TANGO2: variants seen among roughly 807,000 people sequenced by gnomAD.
TANGO2 encodes transport and Golgi organization protein 2 homolog.
In TANGO2, 26 loss-of-function variants were observed where a neutral mutation model predicts 39.1. That is an observed-to-expected ratio of 0.67 (90% CI 0.49 to 0.92). The LOEUF is 0.92. TANGO2 is among the 40% of genes least tolerant of loss of function. The pLI, the probability that TANGO2 is intolerant of heterozygous loss-of-function variation, is 0.00. For synonymous variants in TANGO2, 131 were observed against 144.5 expected, an observed-to-expected ratio of 0.91 and a Z score of 0.67; for missense variants, 326 against 360.1, an observed-to-expected ratio of 0.91 and a Z score of 0.77.
intron 4 of TANGO2, 90 bp downstream of exon 4, chr22:20,052,674 G>T: frequency 6.8e-7 from 1 of 1,475,884 alleles, no homozygotes; most frequent in Non-Finnish European, 9.1e-7. Flanking sequence ...CTACAGGACT[G>T]GCCAATGTAT....
chr22:20,026,473 C>T (rs1459031361), intron 1 of TANGO2, among the ~76,000 whole-genome samples: 13 of 151,918 alleles, frequency 8.6e-5, no homozygotes, highest in Non-Finnish European at 1.5e-4. Flanking sequence ...CATTTTGGGA[C>T]AGGGAGGGCC....
At chr22:20,053,210 A>T in intron 4 of TANGO2, 1 of 481,362 alleles carries the variant, frequency 2.1e-6, no homozygotes, top group Non-Finnish European at 3.8e-6. Context: ...ATAGGAAGAC[A>T]TAGTGGGGAA....
At position 20,057,482 on chromosome 22, in the gene TANGO2, C is replaced by T. The variant is rs575563576; in HGVS notation, c.451+1469C>T. On this transcript the variant is annotated intron_variant, in intron 6 of 8. Transcript: ENST00000327374. The surrounding 1 kb of genome is among the most constrained non-coding windows in gnomAD (Gnocchi z 4.1). ...CCCTCTCCTCCACCTGGGGCTTATC[C>T]TTCCGGCCACCCTCTGTGACCCTGG... Among the ~76,000 whole-genome samples, 19 of 152,326 alleles carry T rather than the reference C, an allele frequency of 1.2e-4. No homozygotes were observed. The South Asian group carries it at 3.5e-3, about 28-fold the overall frequency.
Position 20,023,812 on chromosome 22 carries a change from C to T in TANGO2, c.-40+2566C>T, listed in dbSNP as rs565025614. Among the ~76,000 whole-genome samples the T allele has an allele frequency of 1.4e-3, 209 of 147,914 alleles. 1 individual carries two copies. Among genetic ancestry groups the T allele is most frequent in the African/African-American group, 5.2e-3 (206 of 39,810 alleles). On this transcript the variant is annotated intron_variant, in intron 1 of 8. Coordinates refer to ENST00000327374, the MANE Select transcript of TANGO2 (RefSeq NM_152906.7). ...GGCAGAGCTTGCAGTGAGCCGGGAT[C>T]GTGCCACTGCACTCCAGCCTGGGCA...
chr22:20,061,597 C>A lies in TANGO2; in HGVS notation c.519C>A (p.Leu173=). 1 of 1,595,408 alleles carries A rather than the reference C, an allele frequency of 6.3e-7. No individual in the cohort carries two copies. The highest frequency in any genetic ancestry group is 1.7e-5 in the Admixed American group (1 of 57,190). The change falls in exon 7 of 9, where the codon CTC becomes CTA. Residue 173 remains leucine (L), a synonymous_variant. Coordinates refer to ENST00000327374, the MANE Select transcript of TANGO2 (RefSeq NM_152906.7). ...PWRKLCFGKQ[L]FLEAVERSQA... Reference sequence around the variant, plus strand: ...GGAAGCTGTGCTTTGGGAAGCAGCTCTTCCTGGAGGCTGTGGAACGGAGCC... The same window carrying A: ...GGAAGCTGTGCTTTGGGAAGCAGCTATTCCTGGAGGCTGTGGAACGGAGCC...
chr22:20,029,079 A>G (rs953118754), intron 1 of TANGO2, among the ~76,000 whole-genome samples: 3 of 152,236 alleles, frequency 2.0e-5, no homozygotes, highest in Non-Finnish European at 4.4e-5. Flanking sequence ...GTTCTGTCTG[A>G]ATGGTTTTCT....
chr22:20,024,867 G>T (rs144963744), intron 1 of TANGO2, among the ~76,000 whole-genome samples: 12 of 152,088 alleles, frequency 7.9e-5, no homozygotes, highest in Admixed American at 1.3e-4. Flanking sequence ...GTCTCCAGGT[G>T]TGGTGTTGCT....
intron 2 of TANGO2, among the ~76,000 whole-genome samples, chr22:20,042,363 C>T (rs2044123336): frequency 1.3e-5 from 2 of 152,120 alleles, no homozygotes; most frequent in South Asian, 4.1e-4. Context: ...ACTGCTGTGT[C>T]CTTATTTGTT....
At chr22:20,043,723 G>A (rs1291019917) in intron 3 of TANGO2, among the ~76,000 whole-genome samples, 3 of 152,152 alleles carry the variant, frequency 2.0e-5, no homozygotes, top group Admixed American at 6.5e-5. Flanking sequence ...CCTTTTTGCT[G>A]AGGGCATGTG....
intron 3 of TANGO2, among the ~76,000 whole-genome samples, chr22:20,052,041 G>A (rs1178743897): frequency 6.6e-6 from 1 of 152,168 alleles, no homozygotes; most frequent in Non-Finnish European, 1.5e-5. Context: ...TCCTGGTTGT[G>A]TGCTGGGCTC....
intron 3 of TANGO2, among the ~76,000 whole-genome samples, chr22:20,052,248 T>C (rs2046481469): frequency 6.6e-6 from 1 of 152,188 alleles, no homozygotes; most frequent in African/African-American, 2.4e-5. Context: ...AGGACAGGGA[T>C]CTCACTTGCA....
chr22:20,036,873 A>G lies in TANGO2; in HGVS notation c.56+19A>G, dbSNP rs2042943727. 2 of 1,614,094 alleles carry G rather than the reference A, an allele frequency of 1.2e-6. No homozygotes were observed. Among genetic ancestry groups the G allele is most frequent in the African/African-American group, 1.3e-5 (1 of 74,922 alleles). On this transcript the variant is annotated intron_variant, in intron 2 of 8. Coordinates refer to ENST00000327374, the MANE Select transcript of TANGO2 (RefSeq NM_152906.7). Reference sequence around the variant, plus strand: ...CGTACAGGTAACCCCCTCGCTCTGCATCTGCTGCGCCCTGCAGGGTCCTGG... The same window carrying G: ...CGTACAGGTAACCCCCTCGCTCTGCGTCTGCTGCGCCCTGCAGGGTCCTGG...
At chr22:20,040,639 G>A (rs949537872) in intron 2 of TANGO2, among the ~76,000 whole-genome samples, 13 of 152,164 alleles carry the variant, frequency 8.5e-5, no homozygotes, top group Non-Finnish European at 1.9e-4. Context: ...TCTCCTGCCC[G>A]CTGGCCAGGA....
chr22:20,024,535 G>A (rs2040360750), intron 1 of TANGO2, among the ~76,000 whole-genome samples: 1 of 152,226 alleles, frequency 6.6e-6, no homozygotes, highest in Non-Finnish European at 1.5e-5. Flanking sequence ...ATGGGGATTG[G>A]GCGCCCGGCT....
chr22:20,060,132 A>G (rs1354600182), intron 6 of TANGO2, among the ~76,000 whole-genome samples: 4 of 151,876 alleles, frequency 2.6e-5, no homozygotes, highest in Middle Eastern at 3.2e-3. Flanking sequence ...GGTGGATCAC[A>G]AGGTCAGGAG....
intron 8 of TANGO2, among the ~76,000 whole-genome samples, chr22:20,064,238 C>T (rs1294075788): frequency 6.6e-6 from 1 of 152,208 alleles, no homozygotes; most frequent in African/African-American, 2.4e-5. Flanking sequence ...GTGTGGTCAG[C>T]CCGCAGGCTG....
intron 2 of TANGO2, among the ~76,000 whole-genome samples, chr22:20,042,042 T>TG (rs2044058119): frequency 6.6e-6 from 1 of 151,786 alleles, no homozygotes; most frequent in Admixed American, 6.6e-5. Context: ...AGTGCAATGG[T>TG]GCAGTCACAG....
intron 3 of TANGO2, among the ~76,000 whole-genome samples, chr22:20,051,408 G>A (rs2046327888): frequency 1.3e-5 from 2 of 151,918 alleles, no homozygotes; most frequent in Admixed American, 1.3e-4. Flanking sequence ...GCACATGCCT[G>A]TAATTCCAGC....
chr22:20,064,976 A>T lies in TANGO2; in HGVS notation c.*314A>T. The T allele has an allele frequency of 3.1e-6, 1 of 317,476 alleles. No homozygotes were observed. The highest frequency in any genetic ancestry group is 4.6e-5 in the Admixed American group (1 of 21,642). 19.7% of individuals were successfully genotyped at this position (317,476 alleles called of 1,614,324 possible). A position where few individuals can be genotyped will look rare whatever the true frequency, so the allele number is the denominator to read the frequency against. On this transcript the variant is annotated 3_prime_UTR_variant, in exon 9 of 9. Coordinates refer to ENST00000327374, the MANE Select transcript of TANGO2 (RefSeq NM_152906.7). The stretch of plus-strand genomic sequence containing the variant: ...AGGCACTCACATGGCACACACATAC[A>T]CTCCTGCGTGTGCACAAGCACACAC...
Sources: allele counts gnomAD v4.1 joint callset (sites outside exome capture counted in the v4.1 genomes callset), GRCh38; gene constraint gnomAD v4.1.1; non-coding constraint Gnocchi (gnomAD v3.1); transcripts MANE v1.5; gene names NCBI Gene and HGNC (gene_info 2026-07-23, HGNC 2026-07-21).